The following SUGCT variants were observed in gnomAD, a reference collection of about 807,000 sequenced individuals.
SUGCT encodes succinyl-CoA:glutarate CoA-transferase.
Under a neutral mutation model 55.0 loss-of-function variants are expected in SUGCT, and 41 were observed. That is an observed-to-expected ratio of 0.74 (90% CI 0.58 to 0.97). The LOEUF is 0.97. Ranked by LOEUF, SUGCT falls within the 50% of genes least tolerant of loss-of-function variation. The probability of loss-of-function intolerance (pLI) is 0.00; values close to 1 mark genes in which losing one functional copy is unlikely to be tolerated. For synonymous variants in SUGCT, 187 were observed against 200.4 expected (o/e 0.93, Z 0.56); for missense variants, 568 against 547.8 (o/e 1.04, Z -0.37).
At position 40,794,744 on chromosome 7, in the gene SUGCT, A is replaced by G. The variant is rs75277315; in HGVS notation, c.1153+45247A>G. Among the ~76,000 whole-genome samples, 295 of 152,280 alleles carry G rather than the reference A, an allele frequency of 1.9e-3. 2 individuals carry two copies. The highest frequency in any genetic ancestry group is 0.013 in the East Asian group (65 of 5,194). On this transcript the variant is annotated intron_variant, in intron 13 of 13. Transcript: ENST00000335693. ...TTATTTTTTATCAATGTAGCCATAC[A>G]TTTAAAATATTTTAAATCTGTATCC... is the stretch of plus-strand genomic sequence containing the variant.
intron 3 of SUGCT, among the ~76,000 whole-genome samples, chr7:40,186,227 C>T (rs1316930802): frequency 2.1e-5 from 3 of 140,248 alleles, no homozygotes; most frequent in Non-Finnish European, 3.1e-5. Flanking sequence ...TCTCCCCTCC[C>T]CTCCCCTCCC....
At chr7:40,876,054 A>G in the SUGCT span, among the ~76,000 whole-genome samples, 2 of 152,242 alleles carry the variant, frequency 1.3e-5, no homozygotes. Context: ...TGAATTGTCA[A>G]TCATTTTGTG....
intron 8 of SUGCT, among the ~76,000 whole-genome samples, chr7:40,312,296 C>T (rs1191082106): frequency 6.6e-6 from 1 of 152,106 alleles, no homozygotes; most frequent in Non-Finnish European, 1.5e-5. Flanking sequence ...CTGCCTCAGC[C>T]TCCCAAAGTG....
At chr7:40,138,337 T>A (rs1177001164) in intron 1 of SUGCT, among the ~76,000 whole-genome samples, 1 of 152,236 alleles carries the variant, frequency 6.6e-6, no homozygotes, top group Non-Finnish European at 1.5e-5. Flanking sequence ...CATTCTTTTT[T>A]ATGGCTGAAT....
At chr7:40,175,532 T>A (rs1048791788) in intron 1 of SUGCT, among the ~76,000 whole-genome samples, 5 of 152,166 alleles carry the variant, frequency 3.3e-5, no homozygotes, top group African/African-American at 1.2e-4. Context: ...TGTTTCTTTT[T>A]AAAGACAACT....
intron 7 of SUGCT, among the ~76,000 whole-genome samples, chr7:40,249,343 A>ATATC (rs1562612307): frequency 1.6e-5 from 2 of 124,106 alleles, no homozygotes; most frequent in Non-Finnish European, 3.4e-5. Flanking sequence ...ATATATATAT[A>ATATC]TATAATTATA....
chr7:40,831,120 C>T (rs1408320079), intron 13 of SUGCT, among the ~76,000 whole-genome samples: 1 of 152,170 alleles, frequency 6.6e-6, no homozygotes, highest in East Asian at 1.9e-4. Context: ...CCAGGCCTGC[C>T]TCATGCCACG....
At chr7:40,456,246 C>T (rs894201048) in intron 10 of SUGCT, among the ~76,000 whole-genome samples, 3 of 151,956 alleles carry the variant, frequency 2.0e-5, no homozygotes, top group Non-Finnish European at 4.4e-5. Flanking sequence ...GGTTGGTCTC[C>T]AACTCTTGAC....
the SUGCT span, among the ~76,000 whole-genome samples, chr7:40,906,469 A>G: frequency 1.3e-5 from 2 of 152,254 alleles, no homozygotes; most frequent in African/African-American, 2.4e-5. Flanking sequence ...CCTGACAAGT[A>G]TGTGGGCCCT....
At chr7:40,307,959 T>C (rs1011483466) in intron 8 of SUGCT, among the ~76,000 whole-genome samples, 2 of 152,208 alleles carry the variant, frequency 1.3e-5, no homozygotes, top group East Asian at 3.9e-4. Flanking sequence ...ATTTTTCTTC[T>C]TGAAAGTTGT....
chr7:40,649,523 G>A (rs992035236), intron 12 of SUGCT, among the ~76,000 whole-genome samples: 8 of 151,866 alleles, frequency 5.3e-5, no homozygotes, highest in Non-Finnish European at 7.4e-5. Context: ...ACTCTGGGGT[G>A]GTAGACTTAA....
chr7:40,830,774 C>T (rs977240818), intron 13 of SUGCT, among the ~76,000 whole-genome samples: 3 of 152,218 alleles, frequency 2.0e-5, no homozygotes, highest in African/African-American at 4.8e-5. Flanking sequence ...CAGCAAAAGT[C>T]CTCAGAGGAC....
intron 1 of SUGCT, among the ~76,000 whole-genome samples, chr7:40,170,355 A>G (rs1316073834): frequency 9.9e-5 from 15 of 152,130 alleles, no homozygotes; most frequent in Non-Finnish European, 1.6e-4. Context: ...TAAAACATCA[A>G]TATAGCCATC....
At chr7:40,391,864 G>A (rs909938496) in intron 9 of SUGCT, among the ~76,000 whole-genome samples, 1 of 152,134 alleles carries the variant, frequency 6.6e-6, no homozygotes, top group Admixed American at 6.6e-5. Context: ...ATTCACAATA[G>A]CAAAGACTTG....
At chr7:40,230,732 A>C (rs973643830) in intron 6 of SUGCT, among the ~76,000 whole-genome samples, 7 of 152,166 alleles carry the variant, frequency 4.6e-5, no homozygotes, top group African/African-American at 1.7e-4. Context: ...ACTTCTTCTT[A>C]GGGGTTGTCA....
the SUGCT span, among the ~76,000 whole-genome samples, chr7:40,898,733 C>T: frequency 2.6e-5 from 4 of 151,888 alleles, no homozygotes; most frequent in East Asian, 1.9e-4. Context: ...CGAGGGTACG[C>T]GGCTTCATTC....
chr7:40,667,488 G>A (rs182896010), intron 12 of SUGCT, among the ~76,000 whole-genome samples: 3 of 151,794 alleles, frequency 2.0e-5, no homozygotes, highest in South Asian at 2.1e-4. Flanking sequence ...GTCTCTCCTC[G>A]GTTTTCTGGA....
At chr7:40,382,132 T>C (rs555068152) in intron 9 of SUGCT, among the ~76,000 whole-genome samples, 44 of 152,102 alleles carry the variant, frequency 2.9e-4, no homozygotes, top group South Asian at 1.2e-3. Context: ...AATATAGTAA[T>C]TGCTCTTTAG....
chr7:40,757,730 A>T (rs894534465), intron 13 of SUGCT, among the ~76,000 whole-genome samples: 1 of 152,184 alleles, frequency 6.6e-6, no homozygotes, highest in Non-Finnish European at 1.5e-5. Context: ...GTTAACCTGA[A>T]TATAGAAATC....
Sources: allele counts gnomAD v4.1 joint callset (sites outside exome capture counted in the v4.1 genomes callset), GRCh38; gene constraint gnomAD v4.1.1; transcripts MANE v1.5; gene names NCBI Gene and HGNC (gene_info 2026-07-23, HGNC 2026-07-21).